NUP153: variants seen among roughly 807,000 people sequenced by gnomAD.
The protein encoded by NUP153 is nuclear pore complex protein Nup153.
In NUP153, 27 loss-of-function variants were observed where a neutral mutation model predicts 134.6. The observed-to-expected ratio is 0.20, with a 90% CI of 0.15 to 0.28. NUP153 has a LOEUF of 0.28. Ranked by LOEUF, NUP153 falls within the 10% of genes least tolerant of loss-of-function variation. The pLI, the probability that NUP153 is intolerant of heterozygous loss-of-function variation, is 1.00. For synonymous variants in NUP153, 640 were observed against 623.5 expected (o/e 1.03, Z -0.40); for missense variants, 1,821 against 1,731.3 (o/e 1.05, Z -0.92).
At chr6:17,627,406 T>C (rs1246523610) in intron 18 of NUP153, among the ~76,000 whole-genome samples, 1 of 152,240 alleles carries the variant, frequency 6.6e-6, no homozygotes, top group Non-Finnish European at 1.5e-5. Flanking sequence ...TTCCAATTTA[T>C]TATTCAAAAG....
In NUP153 at chr6:17,706,306, G is replaced by C. The variant is rs1770495159; in HGVS notation, c.82C>G (p.Pro28Ala). ...TRRCHQGPIK[P>A]YQQGRQQHQG... ...TGCTGTTGTCGCCCCTGCTGGTAAG[G>C]CTTAATTGGCCCCTGGTGGCAACGC... The change falls in exon 1 of 22, where the codon CCT becomes GCT. Residue 28 changes from proline to alanine, a missense_variant. Coordinates refer to ENST00000262077, the MANE Select transcript of NUP153 (RefSeq NM_005124.4). The surrounding 1 kb of genome is among the most constrained non-coding windows in gnomAD (Gnocchi z 5.9). 1 of 1,613,650 alleles carries C rather than the reference G, an allele frequency of 6.2e-7. No individual in the cohort carries two copies. Among genetic ancestry groups the C allele is most frequent in the Admixed American group, 1.7e-5 (1 of 60,020 alleles).
chr6:17,656,225 C>T (rs1387916723), intron 11 of NUP153, among the ~76,000 whole-genome samples: 7 of 152,110 alleles, frequency 4.6e-5, no homozygotes, highest in Non-Finnish European at 1.0e-4. Flanking sequence ...AAACAAACCA[C>T]AAGGTGGGCA....
rs1046784174 is a variant in NUP153 at position 17,675,831 on chromosome 6, G to A, written c.335-61C>T. ...CTTAGAGCGATACACTACCACAAAT[G>A]GTTTTTACTTTAAGAAAACACATTA... On this transcript the variant is annotated intron_variant, in intron 2 of 21. Transcript: ENST00000262077. The surrounding 1 kb of genome is among the most constrained non-coding windows in gnomAD (Gnocchi z 4.4). 57 of 1,520,632 alleles carry A rather than the reference G, an allele frequency of 3.7e-5. 1 individual carries two copies. Among genetic ancestry groups the A allele is most frequent in the Non-Finnish European group, 4.8e-5 (53 of 1,097,756 alleles). 94.2% of individuals were successfully genotyped at this position (1,520,632 alleles called of 1,614,324 possible).
chr6:17,633,514 G>A (rs911538678), intron 16 of NUP153, among the ~76,000 whole-genome samples: 2 of 152,182 alleles, frequency 1.3e-5, no homozygotes, highest in Non-Finnish European at 2.9e-5. Flanking sequence ...TGCTTAACTT[G>A]TAAGATGCTC....
At chr6:17,702,268 G>A (rs1770162108) in intron 1 of NUP153, among the ~76,000 whole-genome samples, 1 of 152,156 alleles carries the variant, frequency 6.6e-6, no homozygotes, top group Non-Finnish European at 1.5e-5. Context: ...AGCACTTTGG[G>A]AGGCCGAGGC....
At chr6:17,645,197 C>T (rs1049433317) in intron 14 of NUP153, among the ~76,000 whole-genome samples, 5 of 149,748 alleles carry the variant, frequency 3.3e-5, no homozygotes, top group African/African-American at 9.9e-5. Flanking sequence ...GAGCCAAGAC[C>T]GTGCCATTGC....
chr6:17,629,210 G>A lies in NUP153; in HGVS notation c.2989C>T (p.Pro997Ser). Residue 997 changes from proline (P) to serine (S), a missense_variant, in exon 18 of 22, where the codon CCA becomes TCA. Physicochemically the swap from Pro to Ser is moderately conservative, Grantham distance 74. Coordinates refer to ENST00000262077, the MANE Select transcript of NUP153 (RefSeq NM_005124.4). The stretch of plus-strand genomic sequence containing the variant: ...AGATTAGATACCCCAAATTGAAATG[G>A]AGTTAAAGAAACTGGGTTGCTTAAA... Reference protein sequence around the residue: ...SGLSNPVSLTPFQFGVSNLGQ... With the variant: ...SGLSNPVSLTSFQFGVSNLGQ... 6.2e-7 allele frequency: 1 copy of A among 1,613,424 alleles called. No homozygotes were observed. Among genetic ancestry groups the A allele is most frequent in the Middle Eastern group, 1.7e-4 (1 of 6,060 alleles).
chr6:17,688,305 G>T, intron 2 of NUP153, 91 bp downstream of exon 2: 1 of 888,624 alleles, frequency 1.1e-6, no homozygotes, highest in Non-Finnish European at 1.8e-6. Flanking sequence ...TTTATGTACC[G>T]CCTGATTAGA....
chr6:17,674,202 G>A (rs763370708), intron 5 of NUP153, among the ~76,000 whole-genome samples: 2 of 152,162 alleles, frequency 1.3e-5, no homozygotes, highest in African/African-American at 2.4e-5. Flanking sequence ...ATAAGGTAAC[G>A]TTTTGGGGTG....
chr6:17,671,601 G>T (rs557064012), intron 5 of NUP153, among the ~76,000 whole-genome samples: 1 of 152,180 alleles, frequency 6.6e-6, no homozygotes, highest in East Asian at 1.9e-4. Flanking sequence ...AAACACTGAT[G>T]AAAAAAATTT....
chr6:17,682,428 G>A (rs932809307), intron 2 of NUP153, among the ~76,000 whole-genome samples: 2 of 152,148 alleles, frequency 1.3e-5, no homozygotes, highest in African/African-American at 4.8e-5. Context: ...CTCATCGACT[G>A]ACTATTCCTT....
chr6:17,634,417 G>T (rs956553400), intron 16 of NUP153, among the ~76,000 whole-genome samples: 1 of 151,402 alleles, frequency 6.6e-6, no homozygotes, highest in African/African-American at 2.4e-5. Flanking sequence ...CCACCCAAAG[G>T]GTGTATCCAA....
intron 5 of NUP153, among the ~76,000 whole-genome samples, chr6:17,673,230 G>A (rs573266227): frequency 6.6e-6 from 1 of 152,268 alleles, no homozygotes; most frequent in African/African-American, 2.4e-5. Flanking sequence ...TCAGCCAGGT[G>A]TGGTGGCAGG....
intron 11 of NUP153, among the ~76,000 whole-genome samples, chr6:17,659,514 C>T (rs1561882351): frequency 6.6e-6 from 1 of 152,156 alleles, no homozygotes; most frequent in Non-Finnish European, 1.5e-5. Context: ...CGCTCTGTTG[C>T]CAGGCTGGAG....
At chr6:17,688,750 G>A (rs961508201) in intron 1 of NUP153, 132 bp from the exon 2 acceptor site, 5 of 638,130 alleles carry the variant, frequency 7.8e-6, no homozygotes, top group Non-Finnish European at 1.1e-5. Context: ...AGTTACTACA[G>A]TTACTGCTAA....
intron 17 of NUP153, among the ~76,000 whole-genome samples, chr6:17,630,027 G>A (rs1765150863): frequency 6.6e-6 from 1 of 152,236 alleles, no homozygotes; most frequent in African/African-American, 2.4e-5. Context: ...GAACAAAGAT[G>A]TGTCCAAGAT....
chr6:17,653,531 AC>A (rs1461847119), intron 11 of NUP153, among the ~76,000 whole-genome samples: 1 of 152,208 alleles, frequency 6.6e-6, no homozygotes, highest in Non-Finnish European at 1.5e-5. Flanking sequence ...TAAACATACA[AC>A]TTAGCACCTC....
At chr6:17,694,760 C>T (rs1769525605) in intron 1 of NUP153, among the ~76,000 whole-genome samples, 1 of 149,938 alleles carries the variant, frequency 6.7e-6, no homozygotes, top group Admixed American at 6.7e-5. Flanking sequence ...GGGAGAATCA[C>T]GAGGTCAGAA....
rs546920967 is a variant in NUP153 at position 17,632,151 on chromosome 6, G to A, written c.2659+499C>T. ...TTCCCAGTCAAATAAAAGTCAGTAA[G>A]TTCATCTGGGCGCGGTGGCTCACAC... is the stretch of plus-strand genomic sequence containing the variant. On this transcript the variant is annotated intron_variant, in intron 17 of 21. Transcript: ENST00000262077. 4.6e-5 allele frequency among the ~76,000 whole-genome samples: 7 copies of A among 151,570 alleles called. No homozygotes were observed. The South Asian group carries it at 6.3e-4, about 14-fold the overall frequency.
Sources: allele counts gnomAD v4.1 joint callset (sites outside exome capture counted in the v4.1 genomes callset), GRCh38; gene constraint gnomAD v4.1.1; non-coding constraint Gnocchi (gnomAD v3.1); transcripts MANE v1.5; gene names NCBI Gene and HGNC (gene_info 2026-07-23, HGNC 2026-07-21).